The following CHODL variants were observed in gnomAD, a reference collection of about 807,000 sequenced individuals.
CHODL encodes transmembrane protein MT75.
A neutral mutation model predicts 34.5 loss-of-function variants in CHODL; 29 were observed. That is an observed-to-expected ratio of 0.84 (90% CI 0.63 to 1.15). CHODL has a LOEUF of 1.15. CHODL is among the 50% of genes most tolerant of loss of function. The pLI is 0.00. For missense variants in CHODL, 332 were observed against 332.5 expected (o/e 1.00, Z 0.01); for synonymous variants, 125 against 116.1 (o/e 1.08, Z -0.49).
chr21:18,187,531 CCTT>C (rs2073458859), intron 2 of CHODL, among the ~76,000 whole-genome samples: 1 of 152,250 alleles, frequency 6.6e-6, no homozygotes, highest in South Asian at 2.1e-4. Flanking sequence ...TTTACTGTTT[CCTT>C]CTTCTTCCAT....
chr21:18,041,940 G>A (rs1309727610), intron 2 of CHODL, among the ~76,000 whole-genome samples: 2 of 151,764 alleles, frequency 1.3e-5, no homozygotes, highest in Non-Finnish European at 2.9e-5. Context: ...TCCAGATTTA[G>A]GATGATATGG....
At chr21:18,038,350 A>C (rs1423068775) in intron 2 of CHODL, among the ~76,000 whole-genome samples, 1 of 151,748 alleles carries the variant, frequency 6.6e-6, no homozygotes, top group Non-Finnish European at 1.5e-5. Flanking sequence ...AACCTCAGGC[A>C]TTTGAATGAT....
At chr21:18,030,684 G>C (rs1332668001) in intron 2 of CHODL, among the ~76,000 whole-genome samples, 1 of 152,082 alleles carries the variant, frequency 6.6e-6, no homozygotes, top group East Asian at 1.9e-4. Context: ...GATGGGATCG[G>C]ACTGAAGACA....
chr21:18,001,773 CTTTTT>C (rs59908803), intron 1 of CHODL, among the ~76,000 whole-genome samples: 43,296 of 123,968 alleles, frequency 0.35, 7,317 homozygotes, highest in African/African-American at 0.49. Flanking sequence ...GCCTCATCCT[CTTTTT>C]TTTTTTTTTT....
chr21:18,107,124 G>A (rs1160988891), intron 2 of CHODL, among the ~76,000 whole-genome samples: 1 of 152,174 alleles, frequency 6.6e-6, no homozygotes, highest in African/African-American at 2.4e-5. Flanking sequence ...AGAAATAGGG[G>A]TAATGAGTTC....
chr21:18,103,227 T>G (rs2065235907), intron 2 of CHODL, among the ~76,000 whole-genome samples: 1 of 152,154 alleles, frequency 6.6e-6, no homozygotes, highest in Non-Finnish European at 1.5e-5. Context: ...AAACTATGTT[T>G]TTCTACAAAA....
intron 2 of CHODL, among the ~76,000 whole-genome samples, chr21:18,205,128 A>G (rs150866960): frequency 2.0e-4 from 30 of 152,330 alleles, no homozygotes; most frequent in African/African-American, 6.7e-4. Context: ...ACTATGTTGA[A>G]TAATAGCAAT....
At chr21:18,217,894 C>T (rs1181331614) in intron 2 of CHODL, among the ~76,000 whole-genome samples, 2 of 152,184 alleles carry the variant, frequency 1.3e-5, no homozygotes, top group Non-Finnish European at 2.9e-5. Context: ...GCAGTCACAT[C>T]ATAAAGCTCC....
At chr21:17,917,836 AG>A (rs1568796811) in intron 1 of CHODL, among the ~76,000 whole-genome samples, 2 of 152,002 alleles carry the variant, frequency 1.3e-5, no homozygotes, top group Non-Finnish European at 2.9e-5. Flanking sequence ...TTTTGTTAAC[AG>A]TGTAAAAATG....
Position 18,127,587 on chromosome 21 carries a change from C to T in CHODL, c.-45+99616C>T, listed in dbSNP as rs868273608. Among the ~76,000 whole-genome samples the T allele has an allele frequency of 2.7e-5, 4 of 148,816 alleles. No homozygotes were observed. In the East Asian group the frequency reaches 7.9e-4, roughly 29 times the overall value. ...TAAAGTAAAACACATAAAACATGTC[C>T]AAGAATTGGCAAGGCAACTAAAAAA... On this transcript the variant is annotated intron_variant, in intron 2 of 6. Coordinates refer to the CHODL transcript ENST00000400127.
intron 2 of CHODL, among the ~76,000 whole-genome samples, chr21:18,183,658 A>T (rs2073407722): frequency 6.6e-6 from 1 of 152,158 alleles, no homozygotes; most frequent in Non-Finnish European, 1.5e-5. Context: ...TTTGTTGTGG[A>T]TTTGCAGATA....
intron 1 of CHODL, among the ~76,000 whole-genome samples, chr21:17,942,776 G>T (rs1039175817): frequency 1.3e-5 from 2 of 152,122 alleles, no homozygotes; most frequent in East Asian, 3.9e-4. Flanking sequence ...AGATGATGTG[G>T]TTTGGCTCCA....
rs114414097 is a variant in CHODL, at chr21:18,249,458, A to G, written c.79+4156A>G. On this transcript the variant is annotated intron_variant, in intron 1 of 5. Transcript: ENST00000299295. ...GGTTTGAAAATCTGAGACAGAGGCA[A>G]CATTAATTCTTATTTAAATATTTGT... is the stretch of plus-strand genomic sequence containing the variant. Among the ~76,000 whole-genome samples the G allele has an allele frequency of 7.3e-3, 1,110 of 152,186 alleles. 20 individuals are homozygous for G. The highest frequency in any genetic ancestry group is 0.025 in the African/African-American group (1,041 of 41,530).
At chr21:18,170,284 C>A (rs916090303) in intron 2 of CHODL, among the ~76,000 whole-genome samples, 1 of 151,828 alleles carries the variant, frequency 6.6e-6, no homozygotes. Flanking sequence ...ATTTTTTCAT[C>A]TTTTATTTTC....
At chr21:17,947,598 A>C (rs1394836143) in intron 1 of CHODL, among the ~76,000 whole-genome samples, 1 of 152,024 alleles carries the variant, frequency 6.6e-6, no homozygotes, top group Non-Finnish European at 1.5e-5. Context: ...CAAAGGAGAC[A>C]GACATTTTTG....
At chr21:18,041,610 C>T (rs760720988) in intron 2 of CHODL, among the ~76,000 whole-genome samples, 2 of 151,774 alleles carry the variant, frequency 1.3e-5, no homozygotes, top group Non-Finnish European at 2.9e-5. Context: ...ATGATTAAAT[C>T]ATTAATTAGT....
At chr21:18,245,595 TGA>T (rs1009043321) in intron 1 of CHODL, among the ~76,000 whole-genome samples, 1 of 152,034 alleles carries the variant, frequency 6.6e-6, no homozygotes, top group Non-Finnish European at 1.5e-5. Context: ...ACTTTCTTTG[TGA>T]GAGAGTTGAC....
In CHODL at chr21:18,001,419, C is replaced by T. The variant is rs367627261; in HGVS notation, c.-144-26453C>T. Among the ~76,000 whole-genome samples the T allele has an allele frequency of 3.9e-5, 6 of 152,290 alleles. 1 individual carries two copies. The highest frequency in any genetic ancestry group is 1.3e-4 in the Admixed American group (2 of 15,290). On this transcript the variant is annotated intron_variant, in intron 1 of 6. Transcript: ENST00000400127. ...GAGTGTGTTTAAAGGGCCCACAGGG[C>T]TCTAGACAAATGGTCCATAAGGATG...
intron 2 of CHODL, among the ~76,000 whole-genome samples, chr21:18,205,576 G>C (rs2183558): frequency 0.73 from 110,965 of 151,956 alleles, 41,001 homozygotes; most frequent in East Asian, 0.91. Flanking sequence ...AGTTTTTCTA[G>C]TCTTTTGATG....
Sources: allele counts gnomAD v4.1 joint callset (sites outside exome capture counted in the v4.1 genomes callset), GRCh38; gene constraint gnomAD v4.1.1; transcripts MANE v1.5; gene names NCBI Gene and HGNC (gene_info 2026-07-23, HGNC 2026-07-21).